The following KIAA1217 variants were observed in gnomAD, a reference collection of about 807,000 sequenced individuals.
The protein encoded by KIAA1217 is sickle tail protein homolog.
In KIAA1217, 88 loss-of-function variants were observed where a neutral mutation model predicts 163.9. The ratio of observed to expected loss-of-function variants is 0.54; its 90% CI spans 0.45 to 0.64. The LOEUF (loss-of-function observed/expected upper bound fraction) is 0.64. KIAA1217 is among the 30% of genes least tolerant of loss of function. The pLI, the probability that KIAA1217 is intolerant of heterozygous loss-of-function variation, is 0.00. For missense variants in KIAA1217, 2,372 were observed against 2,475.0 expected (o/e 0.96, Z 0.88); for synonymous variants, 903 against 923.1 (o/e 0.98, Z 0.39).
chr10:24,187,124 C>A (rs117054200), intron 2 of KIAA1217, among the ~76,000 whole-genome samples: 1 of 105,336 alleles, frequency 9.5e-6, no homozygotes. Context: ...CATTGTCCAT[C>A]GGAGCTGTTC....
chr10:24,513,521 GTCT>G, intron 10 of KIAA1217, 87 bp downstream of exon 10: 1 of 1,323,844 alleles, frequency 7.6e-7, no homozygotes, highest in South Asian at 1.3e-5. Flanking sequence ...CCAGTTGGTG[GTCT>G]TGCCCTCTCT....
chr10:24,529,997 G>A (rs545912224), intron 14 of KIAA1217, among the ~76,000 whole-genome samples: 6 of 151,836 alleles, frequency 4.0e-5, no homozygotes, highest in South Asian at 2.1e-4. Flanking sequence ...GGGTTTCACC[G>A]TGTTGGCCAG....
At chr10:24,307,817 G>T (rs538402139) in intron 2 of KIAA1217, among the ~76,000 whole-genome samples, 1 of 152,146 alleles carries the variant, frequency 6.6e-6, no homozygotes, top group African/African-American at 2.4e-5. Context: ...AAAAAGAATG[G>T]TGTTCATCTC....
chr10:24,112,291 CT>C (rs2062878156), intron 2 of KIAA1217, among the ~76,000 whole-genome samples: 1 of 152,220 alleles, frequency 6.6e-6, no homozygotes, highest in Non-Finnish European at 1.5e-5. Flanking sequence ...ACCTCTAAGT[CT>C]TTCTAACTTC....
chr10:23,849,400 G>T (rs1422473417), intron 1 of KIAA1217, among the ~76,000 whole-genome samples: 1 of 151,988 alleles, frequency 6.6e-6, no homozygotes, highest in Non-Finnish European at 1.5e-5. Context: ...TCTCCTTGGG[G>T]CAAGGACCCT....
intron 2 of KIAA1217, among the ~76,000 whole-genome samples, chr10:24,369,091 A>T (rs1177920495): frequency 6.6e-6 from 1 of 152,092 alleles, no homozygotes; most frequent in Non-Finnish European, 1.5e-5. Flanking sequence ...TCTTCTGTCC[A>T]TCTCTTCAAA....
At chr10:24,391,038 C>A (rs912413018) in intron 3 of KIAA1217, among the ~76,000 whole-genome samples, 1 of 152,186 alleles carries the variant, frequency 6.6e-6, no homozygotes, top group African/African-American at 2.4e-5. Flanking sequence ...TGGGTTGAAA[C>A]TCTAGAAGAG....
intron 9 of KIAA1217, among the ~76,000 whole-genome samples, chr10:24,508,683 A>T (rs2068691489): frequency 6.6e-6 from 1 of 152,244 alleles, no homozygotes; most frequent in Non-Finnish European, 1.5e-5. Context: ...ATTTTGTTAT[A>T]TCCATTTGTA....
intron 2 of KIAA1217, among the ~76,000 whole-genome samples, chr10:24,180,081 T>C (rs1037969713): frequency 2.6e-5 from 4 of 152,160 alleles, no homozygotes; most frequent in African/African-American, 4.8e-5. Flanking sequence ...ATTTATCCCC[T>C]GCTTTTAGGC....
intron 2 of KIAA1217, among the ~76,000 whole-genome samples, chr10:24,239,648 C>G (rs1347455257): frequency 6.6e-6 from 1 of 151,458 alleles, no homozygotes; most frequent in East Asian, 1.9e-4. Flanking sequence ...TTGAGATGCT[C>G]CATGTATTTC....
At chr10:24,344,371 C>T (rs1204232467) in intron 2 of KIAA1217, among the ~76,000 whole-genome samples, 1 of 152,212 alleles carries the variant, frequency 6.6e-6, no homozygotes, top group Non-Finnish European at 1.5e-5. Context: ...GAATGTGGCA[C>T]ATCGAATAGA....
chr10:24,177,423 G>A (rs2065964399), intron 2 of KIAA1217, among the ~76,000 whole-genome samples: 1 of 149,218 alleles, frequency 6.7e-6, no homozygotes, highest in African/African-American at 2.5e-5. Flanking sequence ...TGATCAGTGG[G>A]CATTTAGGCT....
intron 3 of KIAA1217, among the ~76,000 whole-genome samples, chr10:24,386,145 C>T (rs1156959752): frequency 6.6e-6 from 1 of 152,180 alleles, no homozygotes; most frequent in Non-Finnish European, 1.5e-5. Context: ...GAAAAGAGAC[C>T]TCACTGACCA....
intron 2 of KIAA1217, among the ~76,000 whole-genome samples, chr10:24,293,969 G>C (rs865909961): frequency 4.6e-5 from 7 of 152,090 alleles, no homozygotes; most frequent in Non-Finnish European, 1.0e-4. Context: ...CAAGGCGGGC[G>C]GATCACGAGG....
chr10:23,911,806 C>T (rs553920861), intron 1 of KIAA1217, among the ~76,000 whole-genome samples: 1 of 151,998 alleles, frequency 6.6e-6, no homozygotes, highest in Non-Finnish European at 1.5e-5. Context: ...CTGTATGGAG[C>T]GGTGCTTTGC....
At chr10:23,892,284 A>G (rs1338780731) in intron 1 of KIAA1217, among the ~76,000 whole-genome samples, 1 of 152,028 alleles carries the variant, frequency 6.6e-6, no homozygotes. Context: ...ATATGTAAAG[A>G]GATTCCTTTT....
At chr10:24,241,666 G>C (rs746965868) in intron 2 of KIAA1217, among the ~76,000 whole-genome samples, 1 of 152,154 alleles carries the variant, frequency 6.6e-6, no homozygotes, top group Non-Finnish European at 1.5e-5. Flanking sequence ...TATTCTAGAC[G>C]TTGGCACTTC....
chr10:23,855,563 C>A (rs1839611779), intron 1 of KIAA1217, among the ~76,000 whole-genome samples: 1 of 152,114 alleles, frequency 6.6e-6, no homozygotes, highest in South Asian at 2.1e-4. Flanking sequence ...TGTTGGCCTG[C>A]CTTGCTAGAT....
chr10:23,857,390 G>A (rs1315583113), intron 1 of KIAA1217, among the ~76,000 whole-genome samples: 1 of 152,158 alleles, frequency 6.6e-6, no homozygotes, highest in African/African-American at 2.4e-5. Context: ...ACCATAAATA[G>A]GAAGGAATGA....
Sources: gnomAD v4.1 joint callset for allele counts (sites outside exome capture counted in the v4.1 genomes callset) on GRCh38, gnomAD v4.1.1 for gene constraint, MANE v1.5 for transcripts, NCBI Gene and HGNC (gene_info 2026-07-23, HGNC 2026-07-21) for gene names.